Variants in PREX1 observed in about 807,000 individuals in gnomAD.
The protein encoded by PREX1 is phosphatidylinositol-3,4,5-trisphosphate dependent Rac exchange factor 1.
Under a neutral mutation model 198.3 loss-of-function variants are expected in PREX1, and 41 were observed. The observed-to-expected ratio is 0.21, with a 90% confidence interval of 0.16 to 0.27. The LOEUF is 0.27. PREX1 is among the 10% of genes least tolerant of loss of function. The pLI, the probability that PREX1 is intolerant of heterozygous loss-of-function variation, is 1.00. For synonymous variants in PREX1, 843 were observed against 887.2 expected (o/e 0.95, Z 0.89); for missense variants, 1,620 against 2,200.7 (o/e 0.74, Z 5.28).
At chr20:48,771,790 C>T (rs1403580839) in intron 1 of PREX1, among the ~76,000 whole-genome samples, 2 of 152,200 alleles carry the variant, frequency 1.3e-5, no homozygotes, top group African/African-American at 2.4e-5. Flanking sequence ...ACCCATAAAT[C>T]CTCACCACAG....
intron 10 of PREX1, among the ~76,000 whole-genome samples, chr20:48,685,117 T>TC (rs2089776475): frequency 6.6e-6 from 1 of 152,154 alleles, no homozygotes; most frequent in African/African-American, 2.4e-5. Context: ...TTGTCTGATT[T>TC]CCCCCACTGG....
At chr20:48,861,284 T>C in the PREX1 span, among the ~76,000 whole-genome samples, 1 of 152,350 alleles carries the variant, frequency 6.6e-6, no homozygotes, top group Non-Finnish European at 1.5e-5. Flanking sequence ...TCCACCTCCC[T>C]GGACCTCAGT....
chr20:48,771,336 T>C (rs574794076), intron 1 of PREX1, among the ~76,000 whole-genome samples: 1 of 151,502 alleles, frequency 6.6e-6, no homozygotes, highest in South Asian at 2.1e-4. Context: ...CTGGGGATTT[T>C]CCCCCCATGC....
rs2090517093 is a variant in PREX1, at chr20:48,827,844, C to T, written c.17G>A (p.Gly6Asp). 7.1e-6 allele frequency: 7 copies of T among 987,392 alleles called. No individual in the cohort carries two copies. The highest frequency in any genetic ancestry group is 8.4e-6 in the Non-Finnish European group (7 of 832,678). 61.2% of individuals were successfully genotyped at this position (987,392 alleles called of 1,614,324 possible). A position where few individuals can be genotyped will look rare whatever the true frequency, so the allele number is the denominator to read the frequency against. MEAPS[G>D]SEPGGDGAGD... ...GGCCCCGTCGCCGCCGGGCTCGCTG[C>T]CGCTGGGCGCCTCCATTCTAGCGCG... Residue 6 changes from glycine to aspartate, a missense_variant, in exon 1 of 40, where the codon GGC (glycine) becomes GAC (aspartate). Physicochemically the swap from Gly to Asp is moderately conservative, Grantham distance 94. This residue lies in a region of PREX1 where 96 missense variants were observed against 98.7 expected (regional missense o/e 0.97). Coordinates refer to ENST00000371941, the MANE Select transcript of PREX1 (RefSeq NM_020820.4). The surrounding 1 kb of genome is among the most constrained non-coding windows in gnomAD (Gnocchi z 4.1).
chr20:48,655,177 G>T, intron 19 of PREX1, 113 bp downstream of exon 19: 1 of 1,103,660 alleles, frequency 9.1e-7, no homozygotes, highest in Non-Finnish European at 1.3e-6. Flanking sequence ...AATAAGTGCT[G>T]ATGGTACATT....
chr20:48,661,436 AAAAAAAAAATAT>A (rs1412759781), intron 15 of PREX1, among the ~76,000 whole-genome samples: 16 of 96,048 alleles, frequency 1.7e-4, no homozygotes, highest in African/African-American at 1.1e-3. Context: ...AAAAAAAAAA[AAAAAAAAAATAT>A]ATATATATAT....
chr20:48,786,655 A>T (rs1489612893), intron 1 of PREX1, among the ~76,000 whole-genome samples: 2 of 151,860 alleles, frequency 1.3e-5, no homozygotes, highest in Admixed American at 1.3e-4. Flanking sequence ...GAGGTGGGAA[A>T]AATCGCTTGA....
rs2089866954 is a variant in PREX1 at position 48,700,265 on chromosome 20, T to G, written c.917+488A>C. ...CAGGATGTGGGTGTCACAAAGAACCTCTCAGTTTCCACAGTCATCTAGACC... is the reference window on the plus strand; with the variant it reads ...CAGGATGTGGGTGTCACAAAGAACCGCTCAGTTTCCACAGTCATCTAGACC... On this transcript the variant is annotated intron_variant, in intron 7 of 39. Coordinates refer to ENST00000371941, the MANE Select transcript of PREX1 (RefSeq NM_020820.4). 2.0e-5 allele frequency among the ~76,000 whole-genome samples: 3 copies of G among 152,276 alleles called. No individual in the cohort carries two copies. The South Asian group carries it at 6.2e-4, about 32-fold the overall frequency.
chr20:48,683,549 CT>C (rs1456408375), intron 10 of PREX1, among the ~76,000 whole-genome samples: 19 of 152,320 alleles, frequency 1.2e-4, no homozygotes, highest in African/African-American at 4.6e-4. Flanking sequence ...TAAAATTCAT[CT>C]CTAGTGCAGG....
At chr20:48,678,022 T>C (rs992472479) in intron 13 of PREX1, among the ~76,000 whole-genome samples, 5 of 147,242 alleles carry the variant, frequency 3.4e-5, no homozygotes, top group African/African-American at 1.3e-4. Flanking sequence ...AAACCAAACA[T>C]ATAAAAAAAG....
intron 4 of PREX1, among the ~76,000 whole-genome samples, chr20:48,728,231 T>C (rs1601100113): frequency 6.6e-6 from 1 of 152,370 alleles, no homozygotes; most frequent in Non-Finnish European, 1.5e-5. Context: ...ATTCCCTGCT[T>C]ATATTCAAGT....
chr20:48,637,448 C>G (rs2089373546), intron 31 of PREX1, among the ~76,000 whole-genome samples: 1 of 152,250 alleles, frequency 6.6e-6, no homozygotes, highest in Admixed American at 6.5e-5. Context: ...CGGCACAAGG[C>G]CCCCTAACAT....
chr20:48,632,961 C>G (rs979555789), intron 33 of PREX1, among the ~76,000 whole-genome samples: 3 of 152,236 alleles, frequency 2.0e-5, no homozygotes, highest in Non-Finnish European at 4.4e-5. Flanking sequence ...AGGGGGTCCA[C>G]AGCATTTGGG....
At chr20:48,727,137 G>GGAA (rs1405996490) in intron 4 of PREX1, among the ~76,000 whole-genome samples, 2 of 152,200 alleles carry the variant, frequency 1.3e-5, no homozygotes, top group Non-Finnish European at 1.5e-5. Context: ...TCCAGTGGGG[G>GGAA]TTCCCTCTGT....
intron 37 of PREX1, 152 bp from the exon 38 acceptor site, chr20:48,628,115 C>T (rs917996237): frequency 4.8e-6 from 3 of 621,526 alleles, no homozygotes; most frequent in African/African-American, 3.7e-5. Flanking sequence ...ACGGCAACGC[C>T]TCCTCCTGCC....
chr20:48,712,578 A>C (rs373737656), intron 5 of PREX1, among the ~76,000 whole-genome samples: 21 of 152,286 alleles, frequency 1.4e-4, no homozygotes, highest in African/African-American at 4.8e-4. Context: ...AGTGAAAAAA[A>C]GGCTGCTTCC....
At chr20:48,799,457 C>T (rs965715136) in intron 1 of PREX1, among the ~76,000 whole-genome samples, 2 of 152,204 alleles carry the variant, frequency 1.3e-5, no homozygotes, top group Non-Finnish European at 2.9e-5. Flanking sequence ...CGAAGAGCAA[C>T]TCCTATAAAC....
At chr20:48,719,485 G>A (rs1272717412) in intron 5 of PREX1, among the ~76,000 whole-genome samples, 1 of 152,138 alleles carries the variant, frequency 6.6e-6, no homozygotes, top group African/African-American at 2.4e-5. Context: ...TGGGGTCAGG[G>A]TAGAGGGGGC....
intron 4 of PREX1, 51 bp from the exon 5 acceptor site, chr20:48,726,442 A>T (rs781735715): frequency 7.1e-5 from 96 of 1,346,098 alleles, no homozygotes; most frequent in Admixed American, 4.4e-4. Context: ...TAGCACAGGG[A>T]CATAGCCACC....
Sources: allele counts gnomAD v4.1 joint callset (sites outside exome capture counted in the v4.1 genomes callset), GRCh38; gene constraint gnomAD v4.1.1; regional missense constraint gnomAD v4.1.1; non-coding constraint Gnocchi (gnomAD v3.1); transcripts MANE v1.5; gene names NCBI Gene and HGNC (gene_info 2026-07-23, HGNC 2026-07-21).